Variants in OSTM1 observed in about 807,000 individuals in gnomAD.
OSTM1 encodes osteopetrosis-associated transmembrane protein 1.
In OSTM1, 26 loss-of-function variants were observed where a neutral mutation model predicts 35.4. The ratio of observed to expected loss-of-function variants is 0.73; its 90% confidence interval spans 0.54 to 1.02. OSTM1 has a LOEUF of 1.02. OSTM1 is among the 50% of genes least tolerant of loss of function. The pLI is 0.00. For missense variants in OSTM1, 366 were observed against 409.6 expected, an observed-to-expected ratio of 0.89 and a Z score of 0.92; for synonymous variants, 181 against 165.0, an observed-to-expected ratio of 1.10 and a Z score of -0.75.
chr6:108,063,016 CTTTT>C (rs201721804), intron 2 of OSTM1, among the ~76,000 whole-genome samples: 1 of 137,812 alleles, frequency 7.3e-6, no homozygotes, highest in East Asian at 2.1e-4. Flanking sequence ...CTCATTTCTA[CTTTT>C]TTTTTTTTTT....
In OSTM1 at chr6:108,051,168, T is replaced by G; in HGVS notation, c.646A>C (p.Asn216His). 6.2e-7 allele frequency: 1 copy of G among 1,613,534 alleles called. No homozygotes were observed. The change falls in exon 4 of 6, where the codon AAT (asparagine) becomes CAT (histidine). Residue 216 changes from asparagine (N) to histidine (H), a missense_variant. This residue lies in a region of OSTM1 where 125 missense variants were observed against 151.7 expected (regional missense o/e 0.82). Transcript: ENST00000193322. ...CAGTTTTTGCATACTTCTGAATAAT[T>G]TTTTGTCTGTAAAAGACTATGTGCA... ...GNAHSLLQTK[N>H]YSEVCKNCRE...
At position 108,054,551 on chromosome 6, in the gene OSTM1, C is replaced by T. The variant is rs749896448; in HGVS notation, c.554G>A (p.Ser185Asn). ...AAATAGATTAAGGAAATATACTGTG[C>T]TGTTTGATAATTCTTCACTGTTGTT... The part of the protein sequence containing the change: ...LTNNSEELSN[S>N]TVYFLNLFNH... The change falls in exon 3 of 6, where the codon AGC (serine) becomes AAC (asparagine). Residue 185 changes from serine to asparagine, a missense_variant. Around this residue, in one of 3 missense-constraint regions of OSTM1, gnomAD observed 236 missense variants for 239.3 expected, o/e 0.99. Coordinates refer to ENST00000193322, the MANE Select transcript of OSTM1 (RefSeq NM_014028.4). 1 of 1,575,696 alleles carries T rather than the reference C, an allele frequency of 6.3e-7. No homozygotes were observed. Among genetic ancestry groups the T allele is most frequent in the Admixed American group, 1.7e-5 (1 of 59,852 alleles).
At chr6:108,051,405 G>A (rs1307812637) in intron 3 of OSTM1, among the ~76,000 whole-genome samples, 2 of 152,094 alleles carry the variant, frequency 1.3e-5, no homozygotes, top group African/African-American at 4.8e-5. Context: ...TTATAAGTCC[G>A]AAGGATTAGA....
chr6:108,074,378 C>A lies in OSTM1; in HGVS notation c.274G>T (p.Ala92Ser), dbSNP rs767660937. 8.2e-6 allele frequency: 13 copies of A among 1,590,158 alleles called. No individual in the cohort carries two copies. Among genetic ancestry groups the A allele is most frequent in the Non-Finnish European group, 1.1e-5 (13 of 1,168,756 alleles). Residue 92 changes from alanine to serine, a missense_variant, in exon 1 of 6, where the codon GCC becomes TCC. Physicochemically the swap from Ala to Ser is moderately conservative, Grantham distance 99 (BLOSUM62 1). Around this residue, in one of 3 missense-constraint regions of OSTM1, gnomAD observed 236 missense variants for 239.3 expected, o/e 0.99. Transcript: ENST00000193322. ...PECRELLLDF[A>S]NSSAELTGCL... The stretch of plus-strand genomic sequence containing the variant: ...CCTGTCAGCTCTGCGCTGCTGTTGG[C>A]GAAGTCCAGCAGGAGCTCCCGGCAC...
At position 108,051,129 on chromosome 6, in the gene OSTM1, T is replaced by G; in HGVS notation, c.685A>C (p.Lys229Gln). Residue 229 changes from lysine (K) to glutamine (Q), a missense_variant, in exon 4 of 6, where the codon AAA becomes CAA. Around this residue, in one of 3 missense-constraint regions of OSTM1, gnomAD observed 125 missense variants for 151.7 expected, o/e 0.82. Transcript: ENST00000193322. ...EVCKNCREAY[K>Q]TLSSLYSEMQ... is the part of the protein sequence containing the mutation. ...TCACTGTACAGACTACTCAGAGTTT[T>G]GTATGCTTCACGGCAGTTTTTGCAT... The G allele has an allele frequency of 6.2e-7, 1 of 1,613,542 alleles. No homozygotes were observed. Among genetic ancestry groups the G allele is most frequent in the South Asian group, 1.1e-5 (1 of 91,064 alleles).
At chr6:108,062,914 C>T (rs920769890) in intron 2 of OSTM1, among the ~76,000 whole-genome samples, 1 of 152,126 alleles carries the variant, frequency 6.6e-6, no homozygotes, top group Non-Finnish European at 1.5e-5. Context: ...CAGTCAAGGT[C>T]CTACTTTCCC....
chr6:108,045,510 A>C (rs1216801924), intron 5 of OSTM1, among the ~76,000 whole-genome samples: 4 of 151,890 alleles, frequency 2.6e-5, no homozygotes, highest in South Asian at 2.1e-4. Flanking sequence ...AAAAAAAAAA[A>C]ACAAAAACAT....
chr6:108,055,677 G>A (rs1190608572), intron 2 of OSTM1, among the ~76,000 whole-genome samples: 1 of 151,962 alleles, frequency 6.6e-6, no homozygotes, highest in Non-Finnish European at 1.5e-5. Context: ...TTTCATCCCT[G>A]GACAGTCCCC....
intron 1 of OSTM1, among the ~76,000 whole-genome samples, chr6:108,071,968 A>G (rs1024932092): frequency 6.6e-6 from 1 of 152,224 alleles, no homozygotes; most frequent in African/African-American, 2.4e-5. Context: ...GGAAATTCAC[A>G]TGCAGATTGG....
chr6:108,074,672 G>A lies in OSTM1; in HGVS notation c.-21C>T, dbSNP rs1403611427. On this transcript the variant is annotated 5_prime_UTR_variant, in exon 1 of 6. Transcript: ENST00000193322. ...TCCATCACCGGGCTCACACACCCCA[G>A]GGAGCCCACCGCCGCCTCTCCGCCC... The A allele has an allele frequency of 6.6e-7, 1 of 1,521,910 alleles. No homozygotes were observed. The allele number at this position is 1,521,910 out of a possible 1,614,324, so 94.3% of individuals were successfully genotyped here. A position where few individuals can be genotyped will look rare whatever the true frequency, so the allele number is the denominator to read the frequency against.
chr6:108,048,749 C>CTTTTTTTT (rs575605197), intron 5 of OSTM1, among the ~76,000 whole-genome samples: 5 of 111,780 alleles, frequency 4.5e-5, no homozygotes, highest in African/African-American at 7.4e-5. Context: ...TGTGTTTTAA[C>CTTTTTTTT]TTTTTTTTTT....
At chr6:108,055,780 T>G (rs1344630677) in intron 2 of OSTM1, among the ~76,000 whole-genome samples, 1 of 152,166 alleles carries the variant, frequency 6.6e-6, no homozygotes, top group African/African-American at 2.4e-5. Context: ...TCATGTGTTC[T>G]GATCTCGGGG....
intron 3 of OSTM1, among the ~76,000 whole-genome samples, chr6:108,052,643 C>A (rs1041154159): frequency 2.6e-5 from 4 of 151,560 alleles, no homozygotes; most frequent in Non-Finnish European, 5.9e-5. Flanking sequence ...GCCACCATAC[C>A]TGGCCACAAT....
intron 4 of OSTM1, chr6:108,049,653 C>T (rs1455955848): frequency 6.1e-6 from 5 of 822,348 alleles, no homozygotes. Flanking sequence ...GTCCATAATA[C>T]TGACCAAAGT....
intron 5 of OSTM1, among the ~76,000 whole-genome samples, chr6:108,048,464 A>G (rs1772017140): frequency 6.6e-6 from 1 of 152,234 alleles, no homozygotes; most frequent in African/African-American, 2.4e-5. Flanking sequence ...AAGGGAATTA[A>G]TATGTATTGA....
chr6:108,042,121 C>T lies in OSTM1; in HGVS notation c.*2664G>A, dbSNP rs1178862862. 1 of 151,552 alleles carries T rather than the reference C, an allele frequency of 6.6e-6. No individual in the cohort carries two copies. Among genetic ancestry groups the T allele is most frequent in the Non-Finnish European group, 1.5e-5 (1 of 67,918 alleles). The allele number at this position is 151,552 out of a possible 1,614,324, so 9.4% of individuals were successfully genotyped here. Reference sequence around the variant, plus strand: ...ATAAGTAACATTTACCAACTAGACTCTGGGCTACACTTTAAAATATCTGAT... The same window carrying T: ...ATAAGTAACATTTACCAACTAGACTTTGGGCTACACTTTAAAATATCTGAT... On this transcript the variant is annotated 3_prime_UTR_variant, in exon 6 of 6. Transcript: ENST00000193322.
chr6:108,046,014 T>G (rs1432400698), intron 5 of OSTM1, among the ~76,000 whole-genome samples: 5 of 151,932 alleles, frequency 3.3e-5, no homozygotes, highest in Non-Finnish European at 7.4e-5. Context: ...TTATTTATTT[T>G]TTTTGAGACG....
chr6:108,055,261 A>G (rs1772149829), intron 2 of OSTM1, among the ~76,000 whole-genome samples: 1 of 151,994 alleles, frequency 6.6e-6, no homozygotes, highest in African/African-American at 2.4e-5. Flanking sequence ...TTTTCTATGT[A>G]TGTGTATATC....
At chr6:108,051,277 C>A in intron 3 of OSTM1, 79 bp from the exon 4 acceptor site, 1 of 1,084,564 alleles carries the variant, frequency 9.2e-7, no homozygotes. Flanking sequence ...ATTTACGCTT[C>A]TAGAAGACGG....
Sources: gnomAD v4.1 joint callset for allele counts (sites outside exome capture counted in the v4.1 genomes callset) on GRCh38, gnomAD v4.1.1 for gene constraint, gnomAD v4.1.1 regional missense constraint, MANE v1.5 for transcripts, NCBI Gene and HGNC (gene_info 2026-07-23, HGNC 2026-07-21) for gene names.